Variants in RAD51B observed in about 807,000 individuals in gnomAD.
RAD51B encodes RAD51 paralog B.
In RAD51B, 38 loss-of-function variants were observed where a neutral mutation model predicts 42.2. The observed-to-expected ratio is 0.90, with a 90% CI of 0.70 to 1.18. RAD51B has a LOEUF of 1.18. Among genes scored for constraint, RAD51B ranks in the 50% most tolerant of loss-of-function variants. The probability of loss-of-function intolerance (pLI) is 0.00; values close to 1 mark genes in which losing one functional copy is unlikely to be tolerated. For synonymous variants in RAD51B, 154 were observed against 145.2 expected, an observed-to-expected ratio of 1.06 and a Z score of -0.43; for missense variants, 373 against 400.7, an observed-to-expected ratio of 0.93 and a Z score of 0.59.
intron 11 of RAD51B, among the ~76,000 whole-genome samples, chr14:68,674,466 T>A (rs1033759551): frequency 8.6e-5 from 13 of 151,912 alleles, no homozygotes; most frequent in Non-Finnish European, 1.6e-4. Flanking sequence ...TGAGGAGGTA[T>A]ATAGAAGTCT....
intron 11 of RAD51B, among the ~76,000 whole-genome samples, chr14:68,666,603 TAAAC>T (rs1893037133): frequency 6.6e-6 from 1 of 152,208 alleles, no homozygotes; most frequent in Non-Finnish European, 1.5e-5. Flanking sequence ...ATGAAATTAT[TAAAC>T]AACCAGACCA....
At chr14:68,299,526 A>C (rs1463122304) in intron 8 of RAD51B, among the ~76,000 whole-genome samples, 1 of 152,200 alleles carries the variant, frequency 6.6e-6, no homozygotes, top group East Asian at 1.9e-4. Flanking sequence ...TGTAGGTTAC[A>C]TGCAAATACA....
At chr14:68,172,490 A>G (rs1013855544) in intron 7 of RAD51B, among the ~76,000 whole-genome samples, 2 of 152,232 alleles carry the variant, frequency 1.3e-5, no homozygotes, top group African/African-American at 2.4e-5. Context: ...GCAAGTAGCT[A>G]AGAACAGGAT....
chr14:68,375,396 A>C (rs990185058), intron 8 of RAD51B, among the ~76,000 whole-genome samples: 14 of 152,180 alleles, frequency 9.2e-5, no homozygotes, highest in Admixed American at 5.9e-4. Context: ...TGTAATGGTT[A>C]AATCACGATT....
At chr14:68,400,867 A>T (rs1399908870) in intron 8 of RAD51B, among the ~76,000 whole-genome samples, 4 of 152,206 alleles carry the variant, frequency 2.6e-5, no homozygotes, top group Non-Finnish European at 4.4e-5. Flanking sequence ...TGCAAAGGTC[A>T]AGAGATTTCA....
In RAD51B at chr14:68,347,701, C is replaced by T. The variant is rs143609938; in HGVS notation, c.853+55721C>T. ...TAATAATAATAAATAAAGAAACAGG[C>T]CCGTGAACAGCATCAGCAGTTTCAG... On this transcript the variant is annotated intron_variant, in intron 8 of 10. Transcript: ENST00000471583. 4.5e-3 allele frequency among the ~76,000 whole-genome samples: 690 copies of T among 152,222 alleles called. 7 individuals carry two copies. The highest frequency in any genetic ancestry group is 0.015 in the African/African-American group (643 of 41,532).
intron 8 of RAD51B, among the ~76,000 whole-genome samples, chr14:68,306,920 G>C (rs1486690811): frequency 6.6e-6 from 1 of 152,152 alleles, no homozygotes; most frequent in Non-Finnish European, 1.5e-5. Flanking sequence ...TCTGTTGACA[G>C]GTCATTGTTG....
intron 8 of RAD51B, among the ~76,000 whole-genome samples, chr14:68,342,842 G>A (rs778736135): frequency 1.7e-4 from 26 of 152,206 alleles, no homozygotes; most frequent in Middle Eastern, 3.4e-3. Flanking sequence ...TCAGTTTTAG[G>A]TGAATACCAA....
At chr14:68,018,958 A>G (rs2140345226) in intron 7 of RAD51B, among the ~76,000 whole-genome samples, 1 of 152,296 alleles carries the variant, frequency 6.6e-6, no homozygotes, top group Non-Finnish European at 1.5e-5. Context: ...AATAATCCCT[A>G]GCTTGTGGAG....
chr14:68,359,753 TTC>T (rs2082983773), intron 8 of RAD51B, among the ~76,000 whole-genome samples: 1 of 152,358 alleles, frequency 6.6e-6, no homozygotes, highest in African/African-American at 2.4e-5. Flanking sequence ...GCAGTGTTTT[TTC>T]TCTCTCTAAA....
chr14:68,308,948 T>C (rs2081919992), intron 8 of RAD51B, among the ~76,000 whole-genome samples: 1 of 152,126 alleles, frequency 6.6e-6, no homozygotes, highest in Admixed American at 6.5e-5. Flanking sequence ...TGGACAAAAC[T>C]GAGAGAGAAG....
At chr14:68,304,459 C>G (rs2081818098) in intron 8 of RAD51B, among the ~76,000 whole-genome samples, 1 of 152,208 alleles carries the variant, frequency 6.6e-6, no homozygotes, top group South Asian at 2.1e-4. Context: ...ATACTCAGCT[C>G]TTCAAGATGA....
chr14:68,549,448 C>T (rs1337779457), intron 10 of RAD51B, among the ~76,000 whole-genome samples: 2 of 85,162 alleles, frequency 2.3e-5, no homozygotes, highest in East Asian at 6.2e-4. Context: ...CGGAGTTTCG[C>T]TCTGTCGCCC....
At chr14:68,633,896 A>G (rs1180604010) in intron 10 of RAD51B, among the ~76,000 whole-genome samples, 1 of 152,238 alleles carries the variant, frequency 6.6e-6, no homozygotes, top group African/African-American at 2.4e-5. Flanking sequence ...ACCACAGCTC[A>G]GGCTCACTTG....
At position 68,189,634 on chromosome 14, in the gene RAD51B, GA is replaced by G. The variant is rs200382629; in HGVS notation, c.757-102243del. ...TTTTCCTCACTATTTATTCCTTATAGAAAAAAAGCAACTACCCCTTCCCTTA... is the reference window on the plus strand; with the variant it reads ...TTTTCCTCACTATTTATTCCTTATAGAAAAAAGCAACTACCCCTTCCCTTA... On this transcript the variant is annotated intron_variant, in intron 7 of 10. Coordinates refer to ENST00000471583, the MANE Select transcript of RAD51B (RefSeq NM_133510.4). 5.6e-3 allele frequency among the ~76,000 whole-genome samples: 843 copies of G among 151,882 alleles called. 2 individuals are homozygous for G. The highest frequency in any genetic ancestry group is 0.019 in the African/African-American group (770 of 41,448).
At chr14:68,557,602 A>G (rs914237154) in intron 10 of RAD51B, among the ~76,000 whole-genome samples, 10 of 152,188 alleles carry the variant, frequency 6.6e-5, no homozygotes, top group African/African-American at 2.4e-4. Flanking sequence ...GACTGAGTAG[A>G]TTTCCCAGGG....
chr14:68,246,717 G>T (rs1275204334), intron 7 of RAD51B, among the ~76,000 whole-genome samples: 1 of 152,186 alleles, frequency 6.6e-6, no homozygotes, highest in Non-Finnish European at 1.5e-5. Context: ...ACATTTCTAA[G>T]GAGAGAGGAA....
At chr14:68,354,148 A>T (rs1171171432) in intron 8 of RAD51B, among the ~76,000 whole-genome samples, 1 of 151,914 alleles carries the variant, frequency 6.6e-6, no homozygotes, top group Non-Finnish European at 1.5e-5. Flanking sequence ...GTGGTGCTAT[A>T]TAGGTGGTGT....
At chr14:67,935,182 T>G (rs1249203853) in intron 7 of RAD51B, among the ~76,000 whole-genome samples, 2 of 152,216 alleles carry the variant, frequency 1.3e-5, no homozygotes, top group Non-Finnish European at 2.9e-5. Context: ...AGGAATCCTT[T>G]TGGAGAGAGT....
Sources: allele counts gnomAD v4.1 joint callset (sites outside exome capture counted in the v4.1 genomes callset), GRCh38; gene constraint gnomAD v4.1.1; transcripts MANE v1.5; gene names NCBI Gene and HGNC (gene_info 2026-07-23, HGNC 2026-07-21).